LDLRAD4: variants seen among roughly 807,000 people sequenced by gnomAD.
LDLRAD4 encodes the protein low density lipoprotein receptor class A domain containing 4.
Under a neutral mutation model 17.0 loss-of-function variants are expected in LDLRAD4, and 5 were observed. That is an observed-to-expected ratio of 0.29 (90% CI 0.15 to 0.62). The LOEUF is 0.62. LDLRAD4 is among the 20% of genes least tolerant of loss of function. The pLI is 0.84. For missense variants in LDLRAD4, 340 were observed against 424.7 expected (o/e 0.80, Z 1.75); for synonymous variants, 168 against 171.8 (o/e 0.98, Z 0.17).
At chr18:13,473,803 TGA>T (rs757497917) in intron 3 of LDLRAD4, among the ~76,000 whole-genome samples, 1 of 151,612 alleles carries the variant, frequency 6.6e-6, no homozygotes, top group Non-Finnish European at 1.5e-5. Flanking sequence ...GTGAAGTTCC[TGA>T]GAGCCTGTGG....
chr18:13,434,647 G>GT (rs2090543649), intron 2 of LDLRAD4, among the ~76,000 whole-genome samples: 2 of 152,206 alleles, frequency 1.3e-5, no homozygotes, highest in African/African-American at 4.8e-5. Flanking sequence ...TCAAAGTGTA[G>GT]TTTAGGGGTC....
chr18:13,643,123 A>G (rs2148991111), intron 4 of LDLRAD4, among the ~76,000 whole-genome samples: 1 of 151,622 alleles, frequency 6.6e-6, no homozygotes, highest in East Asian at 1.9e-4. Flanking sequence ...TTTAGTAGAG[A>G]CGGGGTTTCA....
At chr18:13,360,818 A>G (rs976501842) in intron 1 of LDLRAD4, among the ~76,000 whole-genome samples, 1 of 152,224 alleles carries the variant, frequency 6.6e-6, no homozygotes, top group African/African-American at 2.4e-5. Flanking sequence ...GACGCTATGC[A>G]AGTAAGAGGT....
chr18:13,222,769 C>T (rs548587804), intron 1 of LDLRAD4, among the ~76,000 whole-genome samples: 4 of 152,346 alleles, frequency 2.6e-5, no homozygotes, highest in Admixed American at 2.0e-4. Context: ...GCCTCCTCCC[C>T]TGCCCTGGCC....
At chr18:13,407,857 G>A (rs1401893942) in intron 2 of LDLRAD4, among the ~76,000 whole-genome samples, 3 of 152,116 alleles carry the variant, frequency 2.0e-5, no homozygotes, top group Non-Finnish European at 4.4e-5. Context: ...TAGGACCTAG[G>A]TCCCTTTGTA....
At chr18:13,598,853 A>T (rs902978789) in intron 3 of LDLRAD4, among the ~76,000 whole-genome samples, 1 of 152,290 alleles carries the variant, frequency 6.6e-6, no homozygotes, top group Admixed American at 6.5e-5. Context: ...GCCCTCCTCA[A>T]CTTTATGGGC....
Position 13,466,910 on chromosome 18 carries a change from C to A in LDLRAD4, c.181+28526C>A, listed in dbSNP as rs183983541. On this transcript the variant is annotated intron_variant, in intron 3 of 5. Transcript: ENST00000359446. The stretch of plus-strand genomic sequence containing the variant: ...ACTAATCCCATTTATGAGGGCTCCG[C>A]CCTCATGACCTAATCACCTCCTGAA... 3.4e-4 allele frequency among the ~76,000 whole-genome samples: 52 copies of A among 152,302 alleles called. No individual in the cohort carries two copies. In the East Asian group the frequency reaches 8.7e-3, roughly 25 times the overall value.
At chr18:13,480,207 C>T (rs2093049432) in intron 3 of LDLRAD4, among the ~76,000 whole-genome samples, 1 of 152,216 alleles carries the variant, frequency 6.6e-6, no homozygotes, top group South Asian at 2.1e-4. Context: ...GTGGTACATC[C>T]AGACAATGAA....
Position 13,537,129 on chromosome 18 carries a change from T to C in LDLRAD4, c.182-83988T>C, listed in dbSNP as rs1053740413. Among the ~76,000 whole-genome samples, 3 of 152,236 alleles carry C rather than the reference T, an allele frequency of 2.0e-5. No homozygotes were observed. The South Asian group carries it at 6.2e-4, about 31-fold the overall frequency. ...ATCTGGTTTGGTATCAGAGTAGTAT[T>C]GGTTCATAAAATGAATAGAGAAATT... On this transcript the variant is annotated intron_variant, in intron 3 of 5. Transcript: ENST00000359446.
chr18:13,457,230 G>T (rs2092188094), intron 3 of LDLRAD4, among the ~76,000 whole-genome samples: 1 of 152,322 alleles, frequency 6.6e-6, no homozygotes, highest in South Asian at 2.1e-4. Context: ...TTGCTGGGGG[G>T]TGCTCACAGA....
chr18:13,557,463 C>T (rs138989463), intron 3 of LDLRAD4, among the ~76,000 whole-genome samples: 4 of 152,204 alleles, frequency 2.6e-5, no homozygotes, highest in Admixed American at 6.5e-5. Flanking sequence ...CGCAGTGATG[C>T]GGTCTTGGCT....
chr18:13,227,044 T>G (rs2041847824), intron 1 of LDLRAD4, among the ~76,000 whole-genome samples: 1 of 152,174 alleles, frequency 6.6e-6, no homozygotes, highest in Non-Finnish European at 1.5e-5. Context: ...GTCTTGCCCC[T>G]AAGGATGCAG....
intron 3 of LDLRAD4, among the ~76,000 whole-genome samples, chr18:13,578,855 T>TTTTTTTTTTTTTTTTTG (rs1400353235): frequency 7.1e-6 from 1 of 140,538 alleles, no homozygotes; most frequent in African/African-American, 2.7e-5. Context: ...TTTTTTTTTT[T>TTTTTTTTTTTTTTTTTG]GTCAGAGATC....
At chr18:13,344,427 G>A (rs2082558248) in intron 1 of LDLRAD4, among the ~76,000 whole-genome samples, 1 of 152,142 alleles carries the variant, frequency 6.6e-6, no homozygotes, top group African/African-American at 2.4e-5. Flanking sequence ...GCTCTGTTCT[G>A]TTCCATTGGT....
intron 3 of LDLRAD4, among the ~76,000 whole-genome samples, chr18:13,556,789 A>C (rs1298544): frequency 0.99 from 150,814 of 152,258 alleles, 74,713 homozygotes; most frequent in East Asian, 1. Flanking sequence ...TATGTAGTTT[A>C]AACGTGATTT....
At chr18:13,407,262 T>G (rs1239633716) in intron 2 of LDLRAD4, among the ~76,000 whole-genome samples, 3 of 152,188 alleles carry the variant, frequency 2.0e-5, no homozygotes, top group Non-Finnish European at 2.9e-5. Context: ...AGAGCTTCTC[T>G]CATCTCATTT....
Position 13,517,414 on chromosome 18 carries a change from C to T in LDLRAD4, c.181+79030C>T, listed in dbSNP as rs139703500. On this transcript the variant is annotated intron_variant, in intron 3 of 5. Transcript: ENST00000359446. ...ATGTGGTTTTCCCTCCACAAGGTCCCGAGGAACCAGAGGTAGCTCCGTTTT... is the reference window on the plus strand; with the variant it reads ...ATGTGGTTTTCCCTCCACAAGGTCCTGAGGAACCAGAGGTAGCTCCGTTTT... 1.3e-3 allele frequency among the ~76,000 whole-genome samples: 192 copies of T among 152,316 alleles called. 1 individual carries two copies. The highest frequency in any genetic ancestry group is 4.4e-3 in the African/African-American group (181 of 41,570).
intron 1 of LDLRAD4, among the ~76,000 whole-genome samples, chr18:13,246,322 C>T (rs997462381): frequency 2.0e-5 from 3 of 152,222 alleles, no homozygotes; most frequent in South Asian, 4.1e-4. Context: ...CTGGGGATCT[C>T]GCTGCCCTGG....
Position 13,387,592 on chromosome 18 carries a change from T to A in LDLRAD4, c.-131T>A, listed in dbSNP as rs939840883. On this transcript the variant is annotated 5_prime_UTR_variant, in exon 2 of 6. It removes an upstream start codon present in the reference 5' UTR. Transcript: ENST00000359446. ...GAGAGCCGGGCAGGTGGGCCGCGGA[T>A]GCTCCCAGAGGCCGGCCCAGCAGAG... 9.8e-6 allele frequency: 8 copies of A among 820,050 alleles called. No homozygotes were observed. The South Asian group carries it at 1.2e-4, about 12-fold the overall frequency. 50.8% of individuals were successfully genotyped at this position (820,050 alleles called of 1,614,324 possible).
Sources: gnomAD v4.1 joint callset for allele counts (sites outside exome capture counted in the v4.1 genomes callset) on GRCh38, gnomAD v4.1.1 for gene constraint, MANE v1.5 for transcripts, NCBI Gene and HGNC (gene_info 2026-07-23, HGNC 2026-07-21) for gene names.